The following SPIDR variants were observed in gnomAD, a reference collection of about 807,000 sequenced individuals.
SPIDR encodes the protein scaffold protein involved in DNA repair, also known as DNA repair-scaffolding protein.
A neutral mutation model predicts 104.6 loss-of-function variants in SPIDR; 93 were observed. The ratio of observed to expected loss-of-function variants is 0.89; its 90% confidence interval spans 0.75 to 1.06. The LOEUF (loss-of-function observed/expected upper bound fraction) is 1.06. Among genes scored for constraint, SPIDR ranks in the 50% least tolerant of loss-of-function variants. SPIDR has a pLI of 0.00. For missense variants in SPIDR, 1,154 were observed against 1,111.2 expected (o/e 1.04, Z -0.55); for synonymous variants, 431 against 416.9 (o/e 1.03, Z -0.41).
chr8:47,469,579 AT>A (rs2075387622), intron 8 of SPIDR, among the ~76,000 whole-genome samples: 1 of 152,178 alleles, frequency 6.6e-6, no homozygotes. Context: ...AGAAACATGA[AT>A]GGAGCTAGAG....
chr8:47,581,805 C>T (rs2059726231), intron 8 of SPIDR, among the ~76,000 whole-genome samples: 1 of 152,216 alleles, frequency 6.6e-6, no homozygotes, highest in Non-Finnish European at 1.5e-5. Context: ...CCTTTGTTTT[C>T]TTTCTGTCAC....
chr8:47,317,941 G>A (rs1347502056), intron 5 of SPIDR, among the ~76,000 whole-genome samples: 15 of 152,234 alleles, frequency 9.9e-5, no homozygotes, highest in Admixed American at 9.2e-4. Context: ...AACCCCATCT[G>A]TACGTCACTA....
chr8:47,342,480 G>A (rs1554614772), intron 5 of SPIDR, among the ~76,000 whole-genome samples: 1 of 151,662 alleles, frequency 6.6e-6, no homozygotes, highest in East Asian at 1.9e-4. Flanking sequence ...AGGATTAGAA[G>A]TGCACGCCAC....
chr8:47,400,982 A>T lies in SPIDR; in HGVS notation c.776+4356A>T, dbSNP rs571071292. Among the ~76,000 whole-genome samples the T allele has an allele frequency of 4.6e-5, 7 of 152,254 alleles. No homozygotes were observed. The South Asian group carries it at 1.5e-3, about 32-fold the overall frequency. The stretch of plus-strand genomic sequence containing the variant: ...CAACATTCAAATTCAGGAAATACAG[A>T]GAATGCCACCAAGATACTCCTCGAG... On this transcript the variant is annotated intron_variant, in intron 6 of 19. Coordinates refer to ENST00000297423, the MANE Select transcript of SPIDR (RefSeq NM_001080394.4).
intron 10 of SPIDR, among the ~76,000 whole-genome samples, chr8:47,608,475 G>A (rs1045897733): frequency 6.6e-6 from 1 of 152,160 alleles, no homozygotes; most frequent in African/African-American, 2.4e-5. Context: ...TGGAATTGCT[G>A]AGTCATAAGG....
At chr8:47,427,884 A>G (rs1563945713) in intron 7 of SPIDR, among the ~76,000 whole-genome samples, 1 of 152,034 alleles carries the variant, frequency 6.6e-6, no homozygotes, top group Non-Finnish European at 1.5e-5. Context: ...TGGCTGGGAG[A>G]AGAAGAATGA....
intron 5 of SPIDR, among the ~76,000 whole-genome samples, chr8:47,345,532 G>C (rs1554617302): frequency 1.3e-5 from 2 of 152,140 alleles, no homozygotes. Context: ...GGATGGCATT[G>C]AATCTATAAA....
At chr8:47,431,790 A>AGGCC (rs2067410174) in intron 7 of SPIDR, among the ~76,000 whole-genome samples, 2 of 152,212 alleles carry the variant, frequency 1.3e-5, no homozygotes, top group Non-Finnish European at 2.9e-5. Context: ...TCAAGAAGTG[A>AGGCC]AAGCACAATT....
chr8:47,340,534 G>A (rs1205973470), intron 5 of SPIDR, among the ~76,000 whole-genome samples: 15 of 152,138 alleles, frequency 9.9e-5, no homozygotes, highest in Admixed American at 2.0e-4. Context: ...CCCAGGAGGC[G>A]AAGGTTGCAG....
intron 8 of SPIDR, among the ~76,000 whole-genome samples, chr8:47,574,784 AGG>A (rs2058892948): frequency 1.3e-5 from 2 of 151,826 alleles, no homozygotes; most frequent in Non-Finnish European, 2.9e-5. Flanking sequence ...AGGGGAGGAG[AGG>A]GAAAGTTTTA....
intron 10 of SPIDR, chr8:47,673,286 C>G: frequency 5.4e-6 from 2 of 371,156 alleles, no homozygotes; most frequent in South Asian, 4.1e-5. Flanking sequence ...AGGTTTTATC[C>G]TGCTGGGATA....
At chr8:47,435,173 AT>A (rs2068060790) in intron 7 of SPIDR, among the ~76,000 whole-genome samples, 1 of 151,768 alleles carries the variant, frequency 6.6e-6, no homozygotes. Context: ...TTATATTTTT[AT>A]TTTTGTAAAG....
chr8:47,316,902 T>C (rs2045466431), intron 5 of SPIDR, among the ~76,000 whole-genome samples: 1 of 152,182 alleles, frequency 6.6e-6, no homozygotes, highest in Admixed American at 6.5e-5. Context: ...ATGTTCATGC[T>C]GAGATATAAT....
chr8:47,702,097 TTACACACACACACACA>T (rs2080352227), intron 14 of SPIDR, 82 bp downstream of exon 14: 1 of 59,892 alleles, frequency 1.7e-5, no homozygotes, highest in African/African-American at 7.6e-5. Context: ...TCTCTCTCTC[TTACACACACACACACA>T]CACACACACA....
At chr8:47,455,412 C>G (rs1488209815) in intron 8 of SPIDR, among the ~76,000 whole-genome samples, 4 of 150,988 alleles carry the variant, frequency 2.6e-5, no homozygotes, top group African/African-American at 9.7e-5. Context: ...AACACACACA[C>G]AGACACACAA....
chr8:47,297,551 C>CA (rs1219678562), intron 5 of SPIDR, among the ~76,000 whole-genome samples: 1 of 152,060 alleles, frequency 6.6e-6, no homozygotes, highest in Non-Finnish European at 1.5e-5. Context: ...CGGTGTGCTG[C>CA]ACCCATTAAC....
intron 7 of SPIDR, among the ~76,000 whole-genome samples, chr8:47,437,384 C>A (rs1461600541): frequency 4.6e-5 from 7 of 152,018 alleles, no homozygotes; most frequent in Non-Finnish European, 8.8e-5. Context: ...GAGAATGATG[C>A]TTTCCAATTT....
intron 5 of SPIDR, among the ~76,000 whole-genome samples, chr8:47,363,864 G>GTC (rs1329029025): frequency 5.5e-5 from 8 of 145,350 alleles, no homozygotes; most frequent in Admixed American, 2.1e-4. Flanking sequence ...TTCTCTCTCT[G>GTC]TCTCTCTCTC....
chr8:47,714,366 T>C (rs1332349014), intron 16 of SPIDR, among the ~76,000 whole-genome samples: 5 of 152,148 alleles, frequency 3.3e-5, no homozygotes, highest in Non-Finnish European at 1.5e-5. Flanking sequence ...TTAAGTAGGA[T>C]GTGGCAGGCA....
Sources: gnomAD v4.1 joint callset for allele counts (sites outside exome capture counted in the v4.1 genomes callset) on GRCh38, gnomAD v4.1.1 for gene constraint, MANE v1.5 for transcripts, NCBI Gene and HGNC (gene_info 2026-07-23, HGNC 2026-07-21) for gene names.